XKR4: variants seen among roughly 807,000 people sequenced by gnomAD.
XKR4 encodes XK related 4.
XKR4 carries 12 observed loss-of-function variants against 53.9 expected under a neutral mutation model. That is an observed-to-expected ratio of 0.22 (90% CI 0.14 to 0.36). The LOEUF (loss-of-function observed/expected upper bound fraction) is 0.36. Ranked by LOEUF, XKR4 falls within the 10% of genes least tolerant of loss-of-function variation. XKR4 has a pLI of 1.00. For missense variants in XKR4, 799 were observed against 859.5 expected (o/e 0.93, Z 0.88); for synonymous variants, 354 against 362.4 (o/e 0.98, Z 0.26).
At chr8:55,230,746 T>C (rs767749515) in intron 1 of XKR4, among the ~76,000 whole-genome samples, 27 of 152,108 alleles carry the variant, frequency 1.8e-4, no homozygotes, top group Non-Finnish European at 4.0e-4. Context: ...AGAATAATAA[T>C]AATAACTGGA....
chr8:55,445,691 C>T (rs1046115641), intron 2 of XKR4, among the ~76,000 whole-genome samples: 9 of 152,142 alleles, frequency 5.9e-5, no homozygotes, highest in African/African-American at 2.2e-4. Context: ...ACTCAGCCTG[C>T]TGATTGGGCA....
chr8:55,145,635 T>C (rs912977077), intron 1 of XKR4, among the ~76,000 whole-genome samples: 1 of 152,228 alleles, frequency 6.6e-6, no homozygotes, highest in Non-Finnish European at 1.5e-5. Flanking sequence ...AGTTGCAATA[T>C]ATACATACTT....
intron 1 of XKR4, among the ~76,000 whole-genome samples, chr8:55,129,575 C>T (rs945103332): frequency 7.2e-5 from 11 of 152,066 alleles, no homozygotes; most frequent in Non-Finnish European, 1.3e-4. Context: ...AGTGTGGTGG[C>T]AGAGGCCAGA....
chr8:55,469,947 G>A (rs1391844177), intron 2 of XKR4, among the ~76,000 whole-genome samples: 3 of 151,998 alleles, frequency 2.0e-5, no homozygotes, highest in Admixed American at 1.3e-4. Flanking sequence ...AAATGGCCCC[G>A]CTTTCTAGGA....
At chr8:55,240,672 GGCAAGGGAATA>G (rs1818198549) in intron 1 of XKR4, among the ~76,000 whole-genome samples, 1 of 152,128 alleles carries the variant, frequency 6.6e-6, no homozygotes, top group Non-Finnish European at 1.5e-5. Flanking sequence ...AGGGCACACA[GGCAAGGGAATA>G]GCCTCACATC....
intron 1 of XKR4, among the ~76,000 whole-genome samples, chr8:55,290,415 C>G (rs1183306056): frequency 2.0e-5 from 3 of 152,106 alleles, no homozygotes; most frequent in Admixed American, 6.5e-5. Flanking sequence ...CAGGCACGAG[C>G]CACTTTATTT....
At chr8:55,273,178 G>A (rs868694005) in intron 1 of XKR4, among the ~76,000 whole-genome samples, 2 of 114,874 alleles carry the variant, frequency 1.7e-5, no homozygotes, top group Non-Finnish European at 4.2e-5. Flanking sequence ...GTGTGTGTGT[G>A]TGTGTATGTT....
At position 55,525,914 on chromosome 8, in the gene XKR4, T is replaced by C. The variant is rs1003372773; in HGVS notation, c.*1687T>C. On this transcript the variant is annotated 3_prime_UTR_variant, in exon 3 of 3. Coordinates refer to ENST00000327381, the MANE Select transcript of XKR4 (RefSeq NM_052898.2). ...TTGCAAGATCACCCTACTTTGCAAG[T>C]TGGTGCCCCCAGGAACCTGGCCAGG... 1 of 152,568 alleles carries C rather than the reference T, an allele frequency of 6.6e-6. No homozygotes were observed. Among genetic ancestry groups the C allele is most frequent in the African/African-American group, 2.4e-5 (1 of 41,418 alleles). 9.5% of individuals were successfully genotyped at this position (152,568 alleles called of 1,614,324 possible).
intron 1 of XKR4, among the ~76,000 whole-genome samples, chr8:55,252,956 A>G (rs1357419573): frequency 2.0e-5 from 3 of 152,232 alleles, no homozygotes; most frequent in Admixed American, 6.5e-5. Flanking sequence ...GCCTTATGCT[A>G]TATTCAGGCA....
intron 2 of XKR4, among the ~76,000 whole-genome samples, chr8:55,488,018 G>A (rs1365966098): frequency 6.6e-6 from 1 of 152,090 alleles, no homozygotes; most frequent in Non-Finnish European, 1.5e-5. Flanking sequence ...TGTACATGGG[G>A]AATTTTAGAC....
At chr8:55,494,815 C>A (rs1375580575) in intron 2 of XKR4, among the ~76,000 whole-genome samples, 1 of 152,162 alleles carries the variant, frequency 6.6e-6, no homozygotes, top group African/African-American at 2.4e-5. Flanking sequence ...CATGCACAGC[C>A]ATGGGTGGCC....
At chr8:55,376,964 A>ACACG (rs1324729220) in intron 2 of XKR4, among the ~76,000 whole-genome samples, 2 of 151,004 alleles carry the variant, frequency 1.3e-5, no homozygotes, top group Non-Finnish European at 2.9e-5. Context: ...TCACACACAC[A>ACACG]CACACACACA....
chr8:55,168,871 C>A (rs1355595193), intron 1 of XKR4, among the ~76,000 whole-genome samples: 2 of 152,156 alleles, frequency 1.3e-5, no homozygotes, highest in East Asian at 1.9e-4. Context: ...TATTCTGAAT[C>A]TACCAGCTTG....
intron 1 of XKR4, among the ~76,000 whole-genome samples, chr8:55,332,150 A>C (rs1272737831): frequency 6.6e-6 from 1 of 152,062 alleles, no homozygotes; most frequent in Non-Finnish European, 1.5e-5. Context: ...TACATATAAC[A>C]TCCTAAAGTT....
intron 2 of XKR4, among the ~76,000 whole-genome samples, chr8:55,360,865 C>T (rs1803893357): frequency 6.6e-6 from 1 of 152,242 alleles, no homozygotes. Flanking sequence ...CTTATGTAGT[C>T]ACTCAGTCAG....
At chr8:55,297,715 T>C (rs1260875265) in intron 1 of XKR4, among the ~76,000 whole-genome samples, 1 of 152,206 alleles carries the variant, frequency 6.6e-6, no homozygotes, top group Non-Finnish European at 1.5e-5. Flanking sequence ...ACATAGATAA[T>C]CAAGTAGTTC....
intron 1 of XKR4, among the ~76,000 whole-genome samples, chr8:55,140,962 T>C (rs534656068): frequency 1.6e-3 from 237 of 152,350 alleles, no homozygotes; most frequent in Non-Finnish European, 3.0e-3. Flanking sequence ...AACAGTTTTA[T>C]TGAAATATAA....
chr8:55,191,868 C>T (rs1817448728), intron 1 of XKR4, among the ~76,000 whole-genome samples: 1 of 151,998 alleles, frequency 6.6e-6, no homozygotes, highest in African/African-American at 2.4e-5. Context: ...CACTCTATGG[C>T]CTTCAAAAAT....
At chr8:55,105,947 A>G (rs1441567059) in intron 1 of XKR4, among the ~76,000 whole-genome samples, 1 of 152,080 alleles carries the variant, frequency 6.6e-6, no homozygotes. Flanking sequence ...CTCATCTCAG[A>G]TTTTTCTATT....
Sources: allele counts gnomAD v4.1 joint callset (sites outside exome capture counted in the v4.1 genomes callset), GRCh38; gene constraint gnomAD v4.1.1; transcripts MANE v1.5; gene names NCBI Gene and HGNC (gene_info 2026-07-23, HGNC 2026-07-21).